Variants in MIPEP observed in about 807,000 individuals in gnomAD.
MIPEP encodes mitochondrial intermediate peptidase.
Under a neutral mutation model 90.3 loss-of-function variants are expected in MIPEP, and 79 were observed. The observed-to-expected ratio is 0.87, with a 90% CI of 0.73 to 1.05. The LOEUF is 1.05. Ranked by LOEUF, MIPEP falls within the 50% of genes least tolerant of loss-of-function variation. MIPEP has a pLI of 0.00. For missense variants in MIPEP, 940 were observed against 905.6 expected (o/e 1.04, Z -0.49); for synonymous variants, 334 against 315.8 (o/e 1.06, Z -0.61).
intron 16 of MIPEP, among the ~76,000 whole-genome samples, chr13:23,805,124 T>A (rs1953093366): frequency 6.6e-6 from 1 of 152,220 alleles, no homozygotes; most frequent in South Asian, 2.1e-4. Flanking sequence ...AATTCCCTTT[T>A]CTGTTTAAGT....
chr13:23,755,283 A>T (rs761881811), intron 18 of MIPEP, among the ~76,000 whole-genome samples: 1 of 152,252 alleles, frequency 6.6e-6, no homozygotes, highest in Non-Finnish European at 1.5e-5. Context: ...TGGCACATGG[A>T]ATCATGTCTG....
chr13:23,734,025 C>T (rs1184277058), intron 18 of MIPEP, among the ~76,000 whole-genome samples: 1 of 152,200 alleles, frequency 6.6e-6, no homozygotes, highest in African/African-American at 2.4e-5. Context: ...AGTTGACAAT[C>T]TATCATCTAG....
At chr13:23,818,178 A>G (rs988594819) in intron 14 of MIPEP, among the ~76,000 whole-genome samples, 2 of 152,120 alleles carry the variant, frequency 1.3e-5, no homozygotes, top group African/African-American at 2.4e-5. Flanking sequence ...GCACTTTGGA[A>G]GGCTGAGGCA....
chr13:23,741,556 A>C (rs1407964958), intron 18 of MIPEP, among the ~76,000 whole-genome samples: 1 of 152,204 alleles, frequency 6.6e-6, no homozygotes, highest in Non-Finnish European at 1.5e-5. Flanking sequence ...ATCCTTAGCA[A>C]ACTAACACAA....
rs183679906 is a variant in MIPEP, at chr13:23,815,955, G to A, written c.1654-6031C>T. The stretch of plus-strand genomic sequence containing the variant: ...AATCAGAAAATCTCTCTCTTCTGAC[G>A]ATCAAATGTATCTCATGCTATAAGT... On this transcript the variant is annotated intron_variant, in intron 14 of 18. Transcript: ENST00000382172. 8.5e-5 allele frequency among the ~76,000 whole-genome samples: 13 copies of A among 152,190 alleles called. No individual in the cohort carries two copies. In the East Asian group the frequency reaches 2.3e-3, roughly 27 times the overall value.
At chr13:23,871,937 T>C (rs1053248944) in intron 5 of MIPEP, among the ~76,000 whole-genome samples, 2 of 152,200 alleles carry the variant, frequency 1.3e-5, no homozygotes, top group Non-Finnish European at 2.9e-5. Context: ...GTGATAAAAT[T>C]AACTACTTTG....
rs748815622 is a variant in MIPEP, at chr13:23,837,668, C to T, written c.1427G>A (p.Arg476His). ...PVVVLMLNLP[R>H]SSRSSPTLLT... is the part of the protein sequence containing the mutation. ...CAAAGTTGGAGAACTCCTTGAGGAA[C>T]GGGGAAGATTCAGCATAAGAACTAC... Residue 476 changes from arginine (R) to histidine (H), a missense_variant, in exon 13 of 19, where the codon CGT becomes CAT. Coordinates refer to ENST00000382172, the MANE Select transcript of MIPEP (RefSeq NM_005932.4). The T allele has an allele frequency of 3.8e-5, 61 of 1,613,808 alleles. No homozygotes were observed. The highest frequency in any genetic ancestry group is 3.3e-4 in the African/African-American group (25 of 74,912).
At chr13:23,846,246 T>C (rs1201915947) in intron 10 of MIPEP, among the ~76,000 whole-genome samples, 1 of 152,192 alleles carries the variant, frequency 6.6e-6, no homozygotes, top group Non-Finnish European at 1.5e-5. Flanking sequence ...AGATATGCCC[T>C]TTATTTTGCC....
chr13:23,798,520 T>C lies in MIPEP; in HGVS notation c.1848+7430A>G, dbSNP rs979170473. The stretch of plus-strand genomic sequence containing the variant: ...AGGTAACCAATGTTTATAGATTATA[T>C]AAATCCCCCGATATAGTCTAGATAT... On this transcript the variant is annotated intron_variant, in intron 16 of 18. Coordinates refer to ENST00000382172, the MANE Select transcript of MIPEP (RefSeq NM_005932.4). 6.6e-5 allele frequency among the ~76,000 whole-genome samples: 10 copies of C among 152,294 alleles called. 1 individual carries two copies. In the East Asian group the frequency reaches 1.9e-3, roughly 29 times the overall value.
At chr13:23,792,443 C>T (rs1952906740) in intron 16 of MIPEP, among the ~76,000 whole-genome samples, 1 of 152,202 alleles carries the variant, frequency 6.6e-6, no homozygotes, top group South Asian at 2.1e-4. Flanking sequence ...CTAGAATGCA[C>T]TGGTGCAATC....
At position 23,858,931 on chromosome 13, in the gene MIPEP, C is replaced by T; in HGVS notation, c.1054-19G>A. 1 of 1,608,134 alleles carries T rather than the reference C, an allele frequency of 6.2e-7. No homozygotes were observed. The highest frequency in any genetic ancestry group is 8.5e-7 in the Non-Finnish European group (1 of 1,175,052). ...TTACTTCCTACAATGGAATAATTCA[C>T]TGTTAAGGAAAGCTACTGACTCTTT... On this transcript the variant is annotated intron_variant, in intron 9 of 18. Transcript: ENST00000382172.
intron 10 of MIPEP, among the ~76,000 whole-genome samples, chr13:23,849,485 G>C (rs982834612): frequency 1.3e-5 from 2 of 152,198 alleles, no homozygotes; most frequent in Non-Finnish European, 2.9e-5. Flanking sequence ...TCTGAAGAAA[G>C]AAAGTGGAAG....
chr13:23,771,530 TACACACACACACACAC>T (rs3077653), intron 16 of MIPEP, among the ~76,000 whole-genome samples: 25 of 145,988 alleles, frequency 1.7e-4, no homozygotes, highest in Non-Finnish European at 2.3e-4. Flanking sequence ...ATTTGCTGAC[TACACACACACACACAC>T]ACACACACAC....
In MIPEP at chr13:23,756,601, T is replaced by C. The variant is rs368182081; in HGVS notation, c.1988A>G (p.Tyr663Cys). 2.0e-5 allele frequency: 32 copies of C among 1,613,462 alleles called. No individual in the cohort carries two copies. The highest frequency in any genetic ancestry group is 2.4e-5 in the Non-Finnish European group (28 of 1,180,028). ...DPFNRAAGER[Y>C]RREMLAHGGG... Reference sequence around the variant, plus strand: ...ACCGTGGGCCAGCATCTCCCTGCGATAGCGCTCCCCGGCAGCCCTGGGGAA... The same window carrying C: ...ACCGTGGGCCAGCATCTCCCTGCGACAGCGCTCCCCGGCAGCCCTGGGGAA... Residue 663 changes from tyrosine (Y) to cysteine (C), a missense_variant, in exon 18 of 19, where the codon TAT becomes TGT. Tyr to Cys is a radical substitution (Grantham distance 194). Coordinates refer to ENST00000382172, the MANE Select transcript of MIPEP (RefSeq NM_005932.4).
intron 18 of MIPEP, among the ~76,000 whole-genome samples, chr13:23,744,909 T>C (rs1458427358): frequency 1.3e-5 from 2 of 152,220 alleles, no homozygotes; most frequent in Non-Finnish European, 2.9e-5. Flanking sequence ...AAAATAAATC[T>C]AGTGTTGAAA....
At chr13:23,801,018 C>A (rs543067639) in intron 16 of MIPEP, among the ~76,000 whole-genome samples, 13 of 152,232 alleles carry the variant, frequency 8.5e-5, no homozygotes, top group African/African-American at 3.1e-4. Flanking sequence ...AAGTTTGTAC[C>A]AGATTATGTA....
intron 14 of MIPEP, among the ~76,000 whole-genome samples, chr13:23,829,621 G>C (rs1366310587): frequency 6.6e-6 from 1 of 152,000 alleles, no homozygotes; most frequent in African/African-American, 2.4e-5. Flanking sequence ...ATGAGCATGA[G>C]ACAAAAAGAC....
chr13:23,772,252 C>T (rs1317925990), intron 16 of MIPEP, among the ~76,000 whole-genome samples: 1 of 152,130 alleles, frequency 6.6e-6, no homozygotes, highest in East Asian at 1.9e-4. Context: ...GATCAATCCT[C>T]CCTGATTGTC....
At chr13:23,777,066 A>C (rs1477467227) in intron 16 of MIPEP, among the ~76,000 whole-genome samples, 1 of 152,208 alleles carries the variant, frequency 6.6e-6, no homozygotes. Context: ...CAGTGCTACT[A>C]AAGTAAAAAG....
Sources: gnomAD v4.1 joint callset for allele counts (sites outside exome capture counted in the v4.1 genomes callset) on GRCh38, gnomAD v4.1.1 for gene constraint, MANE v1.5 for transcripts, NCBI Gene and HGNC (gene_info 2026-07-23, HGNC 2026-07-21) for gene names.